Variants in CTNNA3 observed in about 807,000 individuals in gnomAD.
CTNNA3 encodes catenin alpha 3, also known as catenin alpha-3.
In CTNNA3, 76 loss-of-function variants were observed where a neutral mutation model predicts 95.7. The ratio of observed to expected loss-of-function variants is 0.79; its 90% CI spans 0.66 to 0.96. The LOEUF is 0.96. CTNNA3 is among the 40% of genes least tolerant of loss of function. CTNNA3 has a pLI of 0.00. For missense variants in CTNNA3, 1,191 were observed against 1,089.8 expected, an observed-to-expected ratio of 1.09 and a Z score of -1.31; for synonymous variants, 431 against 374.4, an observed-to-expected ratio of 1.15 and a Z score of -1.74.
intron 5 of CTNNA3, among the ~76,000 whole-genome samples, chr10:67,361,704 A>G (rs1204882556): frequency 6.6e-6 from 1 of 152,118 alleles, no homozygotes; most frequent in Non-Finnish European, 1.5e-5. Flanking sequence ...TAACATTGCA[A>G]CTATGGGAAC....
chr10:67,605,862 G>A (rs1449738776), intron 3 of CTNNA3, among the ~76,000 whole-genome samples: 1 of 152,006 alleles, frequency 6.6e-6, no homozygotes. Context: ...GTAGAGATGG[G>A]GTTTCACCAT....
At chr10:67,277,576 G>A (rs1839229487) in intron 5 of CTNNA3, among the ~76,000 whole-genome samples, 1 of 152,078 alleles carries the variant, frequency 6.6e-6, no homozygotes, top group African/African-American at 2.4e-5. Flanking sequence ...TGCATTCCCA[G>A]GAGATTAGGC....
chr10:66,895,054 C>CAAAAAAA lies in CTNNA3; in HGVS notation c.1048-119537_1048-119531dup, dbSNP rs537843933. On this transcript the variant is annotated intron_variant, in intron 7 of 17. Coordinates refer to ENST00000433211, the MANE Select transcript of CTNNA3 (RefSeq NM_013266.4). ...ATAGAGAAAAAGTGAAACAAATAAA[C>CAAAAAAA]AAAAAAAAAAAAAAAAAAGAAAGTG... Among the ~76,000 whole-genome samples, 40 of 115,540 alleles carry CAAAAAAA rather than the reference C, an allele frequency of 3.5e-4. 1 individual carries two copies. The highest frequency in any genetic ancestry group is 5.4e-4 in the African/African-American group (16 of 29,686). The allele number at this position is 115,540 out of a possible 152,430, so 75.8% of individuals were successfully genotyped here.
intron 5 of CTNNA3, among the ~76,000 whole-genome samples, chr10:67,516,305 C>G (rs190595353): frequency 1.3e-3 from 203 of 152,278 alleles, no homozygotes; most frequent in Non-Finnish European, 1.9e-3. Context: ...CAATATTATT[C>G]TAGCTGATTC....
At chr10:67,498,617 T>C (rs1360181357) in intron 5 of CTNNA3, among the ~76,000 whole-genome samples, 1 of 152,222 alleles carries the variant, frequency 6.6e-6, no homozygotes, top group African/African-American at 2.4e-5. Context: ...CCTTGAGCAG[T>C]GGTTTGTAGC....
intron 3 of CTNNA3, among the ~76,000 whole-genome samples, chr10:67,605,975 A>G (rs770266748): frequency 6.6e-6 from 1 of 152,074 alleles, no homozygotes; most frequent in Non-Finnish European, 1.5e-5. Flanking sequence ...TCGGCCAAAA[A>G]TTTTTTTTAA....
At chr10:67,430,078 C>A (rs372425107) in intron 5 of CTNNA3, among the ~76,000 whole-genome samples, 1 of 152,058 alleles carries the variant, frequency 6.6e-6, no homozygotes, top group East Asian at 1.9e-4. Flanking sequence ...TCTGCCAAAT[C>A]TCTTGTCCAA....
chr10:66,255,179 C>T (rs1158243751), intron 13 of CTNNA3, among the ~76,000 whole-genome samples: 4 of 152,144 alleles, frequency 2.6e-5, no homozygotes, highest in African/African-American at 7.2e-5. Flanking sequence ...TTGAGCTGAT[C>T]ACTCAAACAA....
In CTNNA3 at chr10:66,538,331, C is replaced by T. The variant is rs909431333; in HGVS notation, c.1375-17558G>A. 4.6e-5 allele frequency among the ~76,000 whole-genome samples: 7 copies of T among 152,042 alleles called. No homozygotes were observed. In the East Asian group the frequency reaches 7.7e-4, roughly 17 times the overall value. On this transcript the variant is annotated intron_variant, in intron 10 of 17. Transcript: ENST00000433211. ...TTCAGGTGGTGGTTTCAGAGTCTTT[C>T]GGGTAATTGGTTTTCTTGGACTCAG... is the stretch of plus-strand genomic sequence containing the variant.
intron 7 of CTNNA3, among the ~76,000 whole-genome samples, chr10:66,893,596 G>A (rs1457311590): frequency 6.6e-6 from 1 of 150,848 alleles, no homozygotes; most frequent in South Asian, 2.1e-4. Flanking sequence ...AGCTACTTAT[G>A]AGTGTTGATG....
chr10:66,489,095 T>C (rs928954200), intron 11 of CTNNA3, among the ~76,000 whole-genome samples: 2 of 152,170 alleles, frequency 1.3e-5, no homozygotes, highest in African/African-American at 2.4e-5. Flanking sequence ...CAAAGACTAC[T>C]ACATACACAG....
rs1408845677 is a variant in CTNNA3 at position 67,744,481 on chromosome 10, A to T, written c.-2+18953T>A. On this transcript the variant is annotated intron_variant, in intron 1 of 17. Transcript: ENST00000684154. ...AAAGCTGAAACTGGATCCCTTCCTT[A>T]CACCTTATACAAAAATCAATTCAAG... is the stretch of plus-strand genomic sequence containing the variant. 5.3e-5 allele frequency among the ~76,000 whole-genome samples: 8 copies of T among 151,458 alleles called. No homozygotes were observed. In the East Asian group the frequency reaches 1.5e-3, roughly 29 times the overall value.
chr10:66,888,369 G>A (rs1280051730), intron 7 of CTNNA3, among the ~76,000 whole-genome samples: 1 of 152,182 alleles, frequency 6.6e-6, no homozygotes, highest in Non-Finnish European at 1.5e-5. Context: ...CTGACACATT[G>A]ATTCTAGCCT....
chr10:66,069,554 A>G (rs2080387639), intron 14 of CTNNA3, 65 bp from the exon 15 acceptor site: 2 of 1,221,600 alleles, frequency 1.6e-6, no homozygotes, highest in Admixed American at 4.6e-5. Flanking sequence ...AGGAATAAGT[A>G]GATATTATAG....
chr10:66,971,737 A>G (rs991276109), intron 7 of CTNNA3, among the ~76,000 whole-genome samples: 2 of 152,182 alleles, frequency 1.3e-5, no homozygotes, highest in Non-Finnish European at 2.9e-5. Flanking sequence ...ATTCCTGGCA[A>G]TAGTGCCCAA....
chr10:66,956,820 G>A (rs1209869197), intron 7 of CTNNA3, among the ~76,000 whole-genome samples: 1 of 152,204 alleles, frequency 6.6e-6, no homozygotes, highest in Non-Finnish European at 1.5e-5. Context: ...AGGCTCAACA[G>A]TAACCAATAT....
At chr10:66,825,369 G>A (rs1006477415) in intron 7 of CTNNA3, among the ~76,000 whole-genome samples, 7 of 150,590 alleles carry the variant, frequency 4.6e-5, no homozygotes, top group African/African-American at 7.3e-5. Context: ...TCCTCCTTCC[G>A]GGTTCAAGCA....
intron 7 of CTNNA3, among the ~76,000 whole-genome samples, chr10:66,794,570 G>T (rs1841116504): frequency 6.6e-6 from 1 of 152,088 alleles, no homozygotes; most frequent in African/African-American, 2.4e-5. Flanking sequence ...TGCTGATGGA[G>T]GGTCTTGCCT....
intron 11 of CTNNA3, among the ~76,000 whole-genome samples, chr10:66,479,238 A>G (rs1839429832): frequency 6.6e-6 from 1 of 151,844 alleles, no homozygotes; most frequent in Non-Finnish European, 1.5e-5. Flanking sequence ...CTCTTTCATT[A>G]TCTATATTCA....
Sources: gnomAD v4.1 joint callset for allele counts (sites outside exome capture counted in the v4.1 genomes callset) on GRCh38, gnomAD v4.1.1 for gene constraint, MANE v1.5 for transcripts, NCBI Gene and HGNC (gene_info 2026-07-23, HGNC 2026-07-21) for gene names.